LAMC1: variants seen among roughly 807,000 people sequenced by gnomAD.
LAMC1 encodes the protein laminin subunit gamma-1.
A neutral mutation model predicts 173.6 loss-of-function variants in LAMC1; 38 were observed. The observed-to-expected ratio is 0.22, with a 90% CI of 0.17 to 0.29. LAMC1 has a LOEUF of 0.29. Ranked by LOEUF, LAMC1 falls within the 10% of genes least tolerant of loss-of-function variation. The pLI is 1.00. For synonymous variants in LAMC1, 746 were observed against 749.1 expected (o/e 1.00, Z 0.07); for missense variants, 1,824 against 2,051.8 (o/e 0.89, Z 2.14).
chr1:183,043,437 CTT>C (rs1654191458), intron 1 of LAMC1, among the ~76,000 whole-genome samples: 1 of 152,066 alleles, frequency 6.6e-6, no homozygotes, highest in African/African-American at 2.4e-5. Context: ...AGTTATATCA[CTT>C]TTACAGATAG....
In LAMC1 at chr1:183,131,847, T is replaced by C. The variant is rs181759456; in HGVS notation, c.3566+469T>C. ...TTTCTGAAGAATTATAAACATTTTC[T>C]CTTATAAATGTATACCAATAATTTT... On this transcript the variant is annotated intron_variant, in intron 20 of 27. Coordinates refer to ENST00000258341, the MANE Select transcript of LAMC1 (RefSeq NM_002293.4). 2.4e-4 allele frequency among the ~76,000 whole-genome samples: 36 copies of C among 152,368 alleles called. 1 individual carries two copies. The highest frequency in any genetic ancestry group is 7.9e-4 in the African/African-American group (33 of 41,592).
chr1:183,114,446 G>A, intron 4 of LAMC1, 85 bp from the exon 5 acceptor site: 7 of 1,319,564 alleles, frequency 5.3e-6, no homozygotes, highest in Non-Finnish European at 7.6e-6. Context: ...TCAGAGATGT[G>A]GGAAATTATG....
intron 1 of LAMC1, among the ~76,000 whole-genome samples, chr1:183,073,896 C>G (rs1655067436): frequency 1.3e-5 from 2 of 151,960 alleles, no homozygotes; most frequent in Admixed American, 1.3e-4. Flanking sequence ...GAAGATCAGG[C>G]CACTGGAAAC....
intron 4 of LAMC1, among the ~76,000 whole-genome samples, chr1:183,113,452 T>C (rs538138770): frequency 2.0e-5 from 3 of 152,370 alleles, no homozygotes; most frequent in Non-Finnish European, 4.4e-5. Flanking sequence ...AACTTCTTTT[T>C]ATTTACTCTT....
At chr1:183,077,799 G>GTATATATATATATATATATA (rs1484072068) in intron 1 of LAMC1, among the ~76,000 whole-genome samples, 2 of 97,442 alleles carry the variant, frequency 2.1e-5, no homozygotes, top group Non-Finnish European at 4.8e-5. Flanking sequence ...TATATATACA[G>GTATATATATATATATATATA]TAGCACAGTT....
Position 183,030,259 on chromosome 1 carries a change from A to G in LAMC1, c.418+6125A>G, listed in dbSNP as rs540863475. Among the ~76,000 whole-genome samples the G allele has an allele frequency of 5.9e-5, 9 of 152,336 alleles. No homozygotes were observed. In the South Asian group the frequency reaches 8.3e-4, roughly 14 times the overall value. ...GCCCACAAAGGCTGAAGTATTTACT[A>G]TCTGGCTCTCATAGCACAGGTTTGT... On this transcript the variant is annotated intron_variant, in intron 1 of 27. Coordinates refer to ENST00000258341, the MANE Select transcript of LAMC1 (RefSeq NM_002293.4).
At chr1:183,128,493 A>G (rs996270523) in intron 17 of LAMC1, 101 bp from the exon 18 acceptor site, 5 of 818,160 alleles carry the variant, frequency 6.1e-6, no homozygotes, top group African/African-American at 1.7e-5. Context: ...AAAGAACTAC[A>G]TATTCATGGA....
rs185690131 is a variant in LAMC1, at chr1:183,060,745, G to A, written c.418+36611G>A. On this transcript the variant is annotated intron_variant, in intron 1 of 27. Coordinates refer to ENST00000258341, the MANE Select transcript of LAMC1 (RefSeq NM_002293.4). ...GCACTTATTAGATGCTTATATGACCGAATGAATGGGTGAAAAGCAGAAGTA... is the reference window on the plus strand; with the variant it reads ...GCACTTATTAGATGCTTATATGACCAAATGAATGGGTGAAAAGCAGAAGTA... Among the ~76,000 whole-genome samples, 271 of 152,294 alleles carry A rather than the reference G, an allele frequency of 1.8e-3. 3 individuals carry two copies. Among genetic ancestry groups the A allele is most frequent in the African/African-American group, 5.3e-3 (222 of 41,560 alleles).
At chr1:183,121,017 G>A (rs182157793) in intron 11 of LAMC1, among the ~76,000 whole-genome samples, 1 of 152,134 alleles carries the variant, frequency 6.6e-6, no homozygotes, top group African/African-American at 2.4e-5. Flanking sequence ...CCACACTCTT[G>A]TTCATATCTC....
intron 1 of LAMC1, among the ~76,000 whole-genome samples, chr1:183,028,249 G>A (rs928183328): frequency 2.0e-5 from 3 of 151,604 alleles, no homozygotes; most frequent in African/African-American, 4.9e-5. Flanking sequence ...AAAATTGGGT[G>A]TGCCTTTTGC....
chr1:183,054,310 C>G (rs1654524785), intron 1 of LAMC1, among the ~76,000 whole-genome samples: 1 of 152,206 alleles, frequency 6.6e-6, no homozygotes, highest in Non-Finnish European at 1.5e-5. Flanking sequence ...GGCATAGAAG[C>G]CACACAGCTA....
At chr1:183,105,343 C>T (rs1238747175) in intron 2 of LAMC1, among the ~76,000 whole-genome samples, 1 of 151,980 alleles carries the variant, frequency 6.6e-6, no homozygotes, top group Non-Finnish European at 1.5e-5. Flanking sequence ...CAAACATTTG[C>T]CAGACTTCTT....
At chr1:183,124,466 G>A (rs1656566658) in intron 13 of LAMC1, among the ~76,000 whole-genome samples, 165 bp from the exon 14 acceptor site, 2 of 152,214 alleles carry the variant, frequency 1.3e-5, no homozygotes, top group Admixed American at 6.5e-5. Context: ...GGTCACTCTG[G>A]TGGTCTGGCC....
At chr1:183,079,080 C>CT (rs1655193099) in intron 1 of LAMC1, among the ~76,000 whole-genome samples, 1 of 151,460 alleles carries the variant, frequency 6.6e-6, no homozygotes, top group South Asian at 2.1e-4. Flanking sequence ...AGAGAGTGCT[C>CT]TAATTTTAGA....
At chr1:183,052,091 C>T (rs111689712) in intron 1 of LAMC1, among the ~76,000 whole-genome samples, 1 of 152,138 alleles carries the variant, frequency 6.6e-6, no homozygotes, top group African/African-American at 2.4e-5. Context: ...AAACATACAG[C>T]CCCCTGATTG....
At chr1:183,027,001 CAT>C (rs1034417237) in intron 1 of LAMC1, among the ~76,000 whole-genome samples, 30 of 152,130 alleles carry the variant, frequency 2.0e-4, no homozygotes, top group African/African-American at 6.8e-4. Context: ...CATGCATACA[CAT>C]GTGTATATAA....
intron 2 of LAMC1, 99 bp from the exon 3 acceptor site, chr1:183,108,177 A>T: frequency 8.9e-7 from 1 of 1,127,420 alleles, no homozygotes; most frequent in South Asian, 1.3e-5. Flanking sequence ...GGCGTAAGTT[A>T]AATGATAATA....
intron 1 of LAMC1, among the ~76,000 whole-genome samples, chr1:183,093,712 A>G (rs1381848644): frequency 3.3e-5 from 5 of 152,176 alleles, no homozygotes; most frequent in Non-Finnish European, 7.3e-5. Context: ...TCTTCAACTT[A>G]GTATATCTGA....
At position 183,114,705 on chromosome 1, in the gene LAMC1, A is replaced by T. The variant is rs141953247; in HGVS notation, c.1196A>T (p.His399Leu). 6.2e-7 allele frequency: 1 copy of T among 1,614,062 alleles called. No individual in the cohort carries two copies. ...AACAATGAAGCCTGCTCTTCATGCC[A>T]CTGTAGTCCTGTGGGTAAGTGACAG... is the stretch of plus-strand genomic sequence containing the variant. ...LGNNEACSSC[H>L]CSPVGSLSTQ... The change falls in exon 5 of 28, where the codon CAC (histidine) becomes CTC (leucine). Residue 399 changes from histidine (H) to leucine (L), a missense_variant. Coordinates refer to ENST00000258341, the MANE Select transcript of LAMC1 (RefSeq NM_002293.4).
Sources: gnomAD v4.1 joint callset for allele counts (sites outside exome capture counted in the v4.1 genomes callset) on GRCh38, gnomAD v4.1.1 for gene constraint, MANE v1.5 for transcripts, NCBI Gene and HGNC (gene_info 2026-07-23, HGNC 2026-07-21) for gene names.